Variants in TMEM117 observed in about 807,000 individuals in gnomAD.
TMEM117 encodes transmembrane protein 117.
A neutral mutation model predicts 52.4 loss-of-function variants in TMEM117; 27 were observed. The observed-to-expected ratio is 0.51, with a 90% CI of 0.38 to 0.71. TMEM117 has a LOEUF of 0.71. Among genes scored for constraint, TMEM117 ranks in the 30% least tolerant of loss-of-function variants. The pLI, the probability that TMEM117 is intolerant of heterozygous loss-of-function variation, is 0.00. For missense variants in TMEM117, 556 were observed against 630.5 expected (o/e 0.88, Z 1.26); for synonymous variants, 215 against 206.3 (o/e 1.04, Z -0.36).
At chr12:44,029,932 C>T (rs796398242) in intron 3 of TMEM117, among the ~76,000 whole-genome samples, 69 of 144,486 alleles carry the variant, frequency 4.8e-4, no homozygotes, top group East Asian at 6.2e-4. Context: ...TGTGGCCATG[C>T]TTTCTCTTTT....
intron 3 of TMEM117, among the ~76,000 whole-genome samples, chr12:44,027,175 T>TTTTATTTTATTTTATTTTA (rs1946553320): frequency 7.3e-6 from 1 of 136,056 alleles, no homozygotes; most frequent in African/African-American, 3.0e-5. Context: ...TTTTATTTTA[T>TTTTATTTTATTTTATTTTA]TTTATTTTAT....
chr12:43,804,685 CCTT>C, the TMEM117 span: 1 of 619,908 alleles, frequency 1.6e-6, no homozygotes, highest in East Asian at 3.1e-5. Context: ...CATGTAGCAT[CCTT>C]ATTATCAGTA....
chr12:44,178,388 C>A (rs1036774468), intron 4 of TMEM117, among the ~76,000 whole-genome samples: 1 of 152,188 alleles, frequency 6.6e-6, no homozygotes, highest in Non-Finnish European at 1.5e-5. Context: ...AGACCCCAGT[C>A]GTTTCTGCAT....
At position 44,266,973 on chromosome 12, in the gene TMEM117, G is replaced by A. The variant is rs192709204; in HGVS notation, c.609-32607G>A. Among the ~76,000 whole-genome samples the A allele has an allele frequency of 2.4e-3, 366 of 152,134 alleles. 11 individuals are homozygous for A. The East Asian group carries it at 0.035, about 14-fold the overall frequency. On this transcript the variant is annotated intron_variant, in intron 5 of 7. Transcript: ENST00000266534. ...GGATTCTCAATTCTGTTTTGCCTAT[G>A]TATATATCTTTCTTTATGCCAAGGG... is the stretch of plus-strand genomic sequence containing the variant.
rs1405559814 is a variant in TMEM117 at position 44,388,756 on chromosome 12, G to A, written c.*84G>A. On this transcript the variant is annotated 3_prime_UTR_variant, in exon 8 of 8. Transcript: ENST00000266534. ...TTAGTCTTTCCTTTTGTATATGTAA[G>A]GTTTACGTAGTGTTAGGTAAAAATA... 4.8e-6 allele frequency: 7 copies of A among 1,443,480 alleles called. No homozygotes were observed. In the Admixed American group the frequency reaches 1.3e-4, roughly 26 times the overall value. 89.4% of individuals were successfully genotyped at this position (1,443,480 alleles called of 1,614,324 possible).
At chr12:44,150,156 A>G (rs1455346964) in intron 4 of TMEM117, among the ~76,000 whole-genome samples, 1 of 152,156 alleles carries the variant, frequency 6.6e-6, no homozygotes, top group Non-Finnish European at 1.5e-5. Flanking sequence ...ATACAGTGAA[A>G]ATACAAACTG....
intron 4 of TMEM117, among the ~76,000 whole-genome samples, chr12:44,154,783 G>A (rs1948803918): frequency 6.7e-6 from 1 of 149,920 alleles, no homozygotes; most frequent in Admixed American, 6.7e-5. Flanking sequence ...AAAACCCCTT[G>A]TTTTGATTAT....
intron 3 of TMEM117, among the ~76,000 whole-genome samples, chr12:43,979,743 G>C (rs1775020459): frequency 1.3e-5 from 2 of 152,142 alleles, no homozygotes; most frequent in Admixed American, 6.5e-5. Flanking sequence ...GAATTCCAAA[G>C]GCTGTTTGAT....
intron 5 of TMEM117, among the ~76,000 whole-genome samples, chr12:44,213,747 A>G (rs1302760729): frequency 6.6e-6 from 1 of 152,200 alleles, no homozygotes; most frequent in African/African-American, 2.4e-5. Flanking sequence ...TCCTGCTGCC[A>G]TGTGAAGAAG....
At chr12:44,259,841 G>A (rs1592647050) in intron 5 of TMEM117, among the ~76,000 whole-genome samples, 1 of 152,164 alleles carries the variant, frequency 6.6e-6, no homozygotes, top group Admixed American at 6.6e-5. Flanking sequence ...TTGTAACCTG[G>A]CCCACATTTA....
chr12:44,032,496 A>G (rs1460954113), intron 3 of TMEM117, among the ~76,000 whole-genome samples: 1 of 152,228 alleles, frequency 6.6e-6, no homozygotes, highest in African/African-American at 2.4e-5. Context: ...TCGTGGCCAC[A>G]TATTGGAATC....
intron 5 of TMEM117, among the ~76,000 whole-genome samples, chr12:44,243,837 A>C (rs1285472863): frequency 1.3e-5 from 2 of 151,116 alleles, no homozygotes; most frequent in Non-Finnish European, 3.0e-5. Context: ...CTATACATTC[A>C]ACTTTTTAAG....
intron 3 of TMEM117, among the ~76,000 whole-genome samples, chr12:44,105,069 C>G (rs930062950): frequency 4.6e-5 from 7 of 151,632 alleles, no homozygotes; most frequent in African/African-American, 1.7e-4. Context: ...TTCTTCTGTT[C>G]CTTTCTCTCT....
chr12:44,219,825 C>T (rs1949764966), intron 5 of TMEM117, among the ~76,000 whole-genome samples: 2 of 152,140 alleles, frequency 1.3e-5, no homozygotes, highest in Admixed American at 1.3e-4. Flanking sequence ...AGGGAGATAA[C>T]ATTCCAGCAT....
At chr12:43,972,144 A>G (rs904688370) in intron 3 of TMEM117, among the ~76,000 whole-genome samples, 1 of 152,242 alleles carries the variant, frequency 6.6e-6, no homozygotes, top group South Asian at 2.1e-4. Context: ...GTCCCATTTT[A>G]TACTGGATCT....
chr12:44,027,497 A>G (rs1249471175), intron 3 of TMEM117, among the ~76,000 whole-genome samples: 1 of 152,112 alleles, frequency 6.6e-6, no homozygotes, highest in Non-Finnish European at 1.5e-5. Context: ...TAACCTAGAC[A>G]TTTTAAAAGA....
At chr12:44,033,631 G>A (rs1946667405) in intron 3 of TMEM117, among the ~76,000 whole-genome samples, 1 of 152,188 alleles carries the variant, frequency 6.6e-6, no homozygotes, top group Non-Finnish European at 1.5e-5. Context: ...CACATGATGT[G>A]ATTTGGATCT....
intron 3 of TMEM117, among the ~76,000 whole-genome samples, chr12:43,976,411 C>G (rs1481194667): frequency 5.9e-5 from 9 of 152,074 alleles, no homozygotes; most frequent in Non-Finnish European, 1.0e-4. Flanking sequence ...CCCCCCTAAG[C>G]TGGCAACGCT....
At chr12:44,178,533 A>G (rs114349231) in intron 4 of TMEM117, among the ~76,000 whole-genome samples, 1 of 152,314 alleles carries the variant, frequency 6.6e-6, no homozygotes, top group South Asian at 2.1e-4. Flanking sequence ...AAACCTCAGC[A>G]TTCCCGCTAG....
Sources: allele counts gnomAD v4.1 joint callset (sites outside exome capture counted in the v4.1 genomes callset), GRCh38; gene constraint gnomAD v4.1.1; transcripts MANE v1.5; gene names NCBI Gene and HGNC (gene_info 2026-07-23, HGNC 2026-07-21).